The following GRIK2 variants were observed in gnomAD, a reference collection of about 807,000 sequenced individuals.
GRIK2 encodes glutamate receptor ionotropic, kainate 2.
Under a neutral mutation model 100.3 loss-of-function variants are expected in GRIK2, and 32 were observed. The ratio of observed to expected loss-of-function variants is 0.32; its 90% CI spans 0.24 to 0.43. GRIK2 has a LOEUF of 0.43. Among genes scored for constraint, GRIK2 ranks in the 20% least tolerant of loss-of-function variants. GRIK2 has a pLI of 1.00. For synonymous variants in GRIK2, 417 were observed against 389.4 expected (o/e 1.07, Z -0.83); for missense variants, 843 against 1,114.9 (o/e 0.76, Z 3.47).
intron 2 of GRIK2, among the ~76,000 whole-genome samples, chr6:101,568,178 CTA>C (rs2128298097): frequency 6.6e-6 from 1 of 151,938 alleles, no homozygotes; most frequent in Admixed American, 6.6e-5. Context: ...CTTTTCAAAA[CTA>C]TTTCACATCA....
chr6:101,496,092 C>T lies in GRIK2; in HGVS notation c.115+96700C>T, dbSNP rs558658809. 4.6e-5 allele frequency among the ~76,000 whole-genome samples: 7 copies of T among 152,080 alleles called. No homozygotes were observed. In the South Asian group the frequency reaches 6.2e-4, roughly 14 times the overall value. ...TCCCAAGTAGCTGGGATTACAGGCGCACATCACCACACCTGGCTAATTTTT... is the reference window on the plus strand; with the variant it reads ...TCCCAAGTAGCTGGGATTACAGGCGTACATCACCACACCTGGCTAATTTTT... On this transcript the variant is annotated intron_variant, in intron 2 of 16. Coordinates refer to ENST00000369134, the MANE Select transcript of GRIK2 (RefSeq NM_021956.5).
chr6:101,691,100 C>T (rs945112927), intron 7 of GRIK2, among the ~76,000 whole-genome samples: 2 of 152,098 alleles, frequency 1.3e-5, no homozygotes, highest in Admixed American at 1.3e-4. Context: ...GAGAGAGTGA[C>T]TGCCTGATTG....
At chr6:101,434,988 T>C (rs935428869) in intron 2 of GRIK2, among the ~76,000 whole-genome samples, 8 of 152,184 alleles carry the variant, frequency 5.3e-5, no homozygotes, top group African/African-American at 1.9e-4. Context: ...GAGATTTAGG[T>C]TGCACAAACT....
At chr6:101,711,423 G>GA (rs1434193768) in intron 7 of GRIK2, among the ~76,000 whole-genome samples, 1 of 151,676 alleles carries the variant, frequency 6.6e-6, no homozygotes, top group African/African-American at 2.4e-5. Flanking sequence ...TATAAAATCT[G>GA]AAGAGTAATA....
chr6:101,582,024 T>G (rs1778124700), intron 2 of GRIK2, among the ~76,000 whole-genome samples: 1 of 152,094 alleles, frequency 6.6e-6, no homozygotes. Context: ...GTCCTTGTGA[T>G]AGTGAGTTCT....
rs1335362794 is a variant in GRIK2, at chr6:101,541,404, ACACACACACACACATACACACACACT to A, written c.116-80544_116-80519del. Among the ~76,000 whole-genome samples, 61 of 149,120 alleles carry A rather than the reference ACACACACACACACATACACACACACT, an allele frequency of 4.1e-4. 1 individual carries two copies. The highest frequency in any genetic ancestry group is 1.2e-3 in the African/African-American group (47 of 40,322). The stretch of plus-strand genomic sequence containing the variant: ...CACACACACACACACACACACACAC[ACACACACACACACATACACACACACT>A]ACACCCTTATACAAACCCAACCAAA... On this transcript the variant is annotated intron_variant, in intron 2 of 16. Transcript: ENST00000369134.
chr6:102,043,972 C>A (rs1410249399), intron 15 of GRIK2, among the ~76,000 whole-genome samples: 1 of 151,874 alleles, frequency 6.6e-6, no homozygotes, highest in African/African-American at 2.4e-5. Flanking sequence ...GTGAGGCCTC[C>A]CTAACCACAA....
At chr6:101,710,661 C>G (rs1773636119) in intron 7 of GRIK2, among the ~76,000 whole-genome samples, 1 of 151,744 alleles carries the variant, frequency 6.6e-6, no homozygotes, top group Non-Finnish European at 1.5e-5. Flanking sequence ...TTGTTCATAG[C>G]CACTCCTGTA....
At chr6:101,519,519 T>G (rs1257470308) in intron 2 of GRIK2, among the ~76,000 whole-genome samples, 1 of 152,136 alleles carries the variant, frequency 6.6e-6, no homozygotes, top group East Asian at 1.9e-4. Flanking sequence ...AGTTTGAGAT[T>G]GGTAAACCCA....
chr6:101,822,921 A>G (rs1468024687), intron 10 of GRIK2, among the ~76,000 whole-genome samples: 1 of 152,138 alleles, frequency 6.6e-6, no homozygotes, highest in Non-Finnish European at 1.5e-5. Flanking sequence ...GCTAACACTT[A>G]TAGTTTATGA....
chr6:101,435,563 C>T lies in GRIK2; in HGVS notation c.115+36171C>T, dbSNP rs535120421. ...GTTGGTGACATCTCCAGGCGTCTCCCTTTTCCATGATCTCCATGCCAGTGG... is the reference window on the plus strand; with the variant it reads ...GTTGGTGACATCTCCAGGCGTCTCCTTTTTCCATGATCTCCATGCCAGTGG... On this transcript the variant is annotated intron_variant, in intron 2 of 16. Transcript: ENST00000369134. Among the ~76,000 whole-genome samples, 6 of 152,142 alleles carry T rather than the reference C, an allele frequency of 3.9e-5. No individual in the cohort carries two copies. The East Asian group carries it at 1.2e-3, about 29-fold the overall frequency.
chr6:101,760,000 G>C (rs1372154020), intron 7 of GRIK2, among the ~76,000 whole-genome samples: 1 of 131,234 alleles, frequency 7.6e-6, no homozygotes. Context: ...CTCCCGAGTA[G>C]CTGGGACTAC....
Position 101,886,333 on chromosome 6 carries a change from G to A in GRIK2, c.1525-3307G>A, listed in dbSNP as rs141489010. Among the ~76,000 whole-genome samples, 216 of 151,802 alleles carry A rather than the reference G, an allele frequency of 1.4e-3. 1 individual carries two copies. The highest frequency in any genetic ancestry group is 5.0e-3 in the African/African-American group (206 of 41,416). ...TGTATGGATGTAATACAGTCTGTTT[G>A]TATATTAAACTTTTAATGAAATGTC... is the stretch of plus-strand genomic sequence containing the variant. On this transcript the variant is annotated intron_variant, in intron 11 of 16. Transcript: ENST00000369134.
chr6:101,643,039 TTAAGTTG>T (rs1470014682), intron 4 of GRIK2, among the ~76,000 whole-genome samples: 1 of 151,696 alleles, frequency 6.6e-6, no homozygotes, highest in Admixed American at 6.6e-5. Flanking sequence ...GGGGAAATGT[TTAAGTTG>T]TATGCTGATT....
intron 2 of GRIK2, among the ~76,000 whole-genome samples, chr6:101,563,081 C>T (rs1003738377): frequency 3.3e-5 from 5 of 152,178 alleles, no homozygotes; most frequent in Non-Finnish European, 7.3e-5. Flanking sequence ...CATCAGTTTT[C>T]ATCCTTGATT....
chr6:101,707,576 ATGTGTGTG>A lies in GRIK2; in HGVS notation c.951+21235_951+21242del, dbSNP rs56168617. ...TGTGTATATATATGTATATATGTGT[ATGTGTGTG>A]TGTGTGTGTGTATATATGTGTGTAT... On this transcript the variant is annotated intron_variant, in intron 7 of 16. Transcript: ENST00000369134. Among the ~76,000 whole-genome samples the A allele has an allele frequency of 4.0e-3, 499 of 125,200 alleles. 16 individuals carry two copies. Among genetic ancestry groups the A allele is most frequent in the African/African-American group, 0.017 (486 of 29,222 alleles). The allele number at this position is 125,200 out of a possible 152,430, so 82.1% of individuals were successfully genotyped here. A position where few individuals can be genotyped will look rare whatever the true frequency, so the allele number is the denominator to read the frequency against.
intron 2 of GRIK2, among the ~76,000 whole-genome samples, chr6:101,435,416 A>C (rs1769658481): frequency 6.6e-6 from 1 of 151,828 alleles, no homozygotes; most frequent in Admixed American, 6.6e-5. Context: ...CAATAAAAGA[A>C]AGTTGAAAAC....
Position 101,562,318 on chromosome 6 carries a change from C to T in GRIK2, c.116-59631C>T, listed in dbSNP as rs571859638. ...GATGACAGTTCTGTCATAATGGACA[C>T]GGCATCACACAGTTTGAGTTTTTGT... is the stretch of plus-strand genomic sequence containing the variant. On this transcript the variant is annotated intron_variant, in intron 2 of 16. Coordinates refer to ENST00000369134, the MANE Select transcript of GRIK2 (RefSeq NM_021956.5). 2.8e-4 allele frequency among the ~76,000 whole-genome samples: 43 copies of T among 152,084 alleles called. No homozygotes were observed. The South Asian group carries it at 7.1e-3, about 25-fold the overall frequency.
chr6:101,774,137 C>T (rs998760975), intron 7 of GRIK2, among the ~76,000 whole-genome samples: 6 of 151,938 alleles, frequency 3.9e-5, no homozygotes, highest in African/African-American at 4.8e-5. Flanking sequence ...TTAATACTTA[C>T]GTGAATATTT....
Sources: gnomAD v4.1 joint callset for allele counts (sites outside exome capture counted in the v4.1 genomes callset) on GRCh38, gnomAD v4.1.1 for gene constraint, MANE v1.5 for transcripts, NCBI Gene and HGNC (gene_info 2026-07-23, HGNC 2026-07-21) for gene names.